The following DCAF13 variants were observed in gnomAD, a reference collection of about 807,000 sequenced individuals.
DCAF13 encodes the protein DDB1 and CUL4 associated factor 13.
In DCAF13, 38 loss-of-function variants were observed where a neutral mutation model predicts 59.0. That is an observed-to-expected ratio of 0.64 (90% CI 0.50 to 0.84). The LOEUF is 0.84. Ranked by LOEUF, DCAF13 falls within the 40% of genes least tolerant of loss-of-function variation. The pLI is 0.00. For missense variants in DCAF13, 469 were observed against 558.4 expected (o/e 0.84, Z 1.61); for synonymous variants, 173 against 175.0 (o/e 0.99, Z 0.09).
At chr8:103,428,594 G>A (rs1816823122) in intron 5 of DCAF13, 1 of 152,068 alleles carries the variant, frequency 6.6e-6, no homozygotes, top group African/African-American at 2.4e-5. Flanking sequence ...AGAGAGAAGT[G>A]GCATGGAAAG....
chr8:103,440,142 A>T lies in DCAF13; in HGVS notation c.957A>T (p.Val319=). The T allele has an allele frequency of 3.2e-6, 5 of 1,580,552 alleles. No individual in the cohort carries two copies. The highest frequency in any genetic ancestry group is 4.3e-6 in the Non-Finnish European group (5 of 1,168,830). ...CTTAATTCGTTTTCTATAGGGAGGT[A>T]TATCATACAAAGAGAATGCAACATG... ...FPVDKSRSRE[V]YHTKRMQHVI... is the part of the protein sequence containing the mutation. The change falls in exon 9 of 11, where the codon GTA becomes GTT. Residue 319 remains valine, a synonymous_variant. Coordinates refer to ENST00000612750, the MANE Select transcript of DCAF13 (RefSeq NM_015420.7).
intron 8 of DCAF13, among the ~76,000 whole-genome samples, chr8:103,439,019 T>G (rs1478628697): frequency 2.6e-5 from 4 of 152,170 alleles, no homozygotes; most frequent in Admixed American, 2.6e-4. Flanking sequence ...CTTTTTTTTC[T>G]TTTTTTGAGA....
chr8:103,438,620 G>T (rs1030862433), intron 8 of DCAF13, among the ~76,000 whole-genome samples: 14 of 151,914 alleles, frequency 9.2e-5, no homozygotes, highest in Non-Finnish European at 1.5e-4. Flanking sequence ...ACTCAGGCTG[G>T]TCTCAAACTC....
chr8:103,416,732 G>A (rs944438036), intron 1 of DCAF13, among the ~76,000 whole-genome samples: 2 of 152,206 alleles, frequency 1.3e-5, no homozygotes, highest in African/African-American at 4.8e-5. Flanking sequence ...CCAAAAAGGG[G>A]AAGAATCATG....
At chr8:103,419,105 C>T (rs945689401) in intron 1 of DCAF13, among the ~76,000 whole-genome samples, 9 of 151,500 alleles carry the variant, frequency 5.9e-5, no homozygotes, top group African/African-American at 1.7e-4. Context: ...AGGATGGTCT[C>T]GATCTCCTGA....
At chr8:103,416,735 G>A (rs1348629776) in intron 1 of DCAF13, among the ~76,000 whole-genome samples, 3 of 152,218 alleles carry the variant, frequency 2.0e-5, no homozygotes, top group African/African-American at 4.8e-5. Context: ...AAAAGGGGAA[G>A]AATCATGTTC....
At chr8:103,423,216 A>G (rs1248247193) in intron 3 of DCAF13, among the ~76,000 whole-genome samples, 4 of 151,984 alleles carry the variant, frequency 2.6e-5, no homozygotes, top group African/African-American at 4.8e-5. Context: ...CAGAGGACTT[A>G]GTGTATTTTT....
At chr8:103,441,902 A>AT in intron 10 of DCAF13, 1 of 311,526 alleles carries the variant, frequency 3.2e-6, no homozygotes. Flanking sequence ...AGTAGCTAGG[A>AT]CTACAGGCAC....
At chr8:103,434,901 T>G (rs933267629) in intron 7 of DCAF13, among the ~76,000 whole-genome samples, 1 of 152,064 alleles carries the variant, frequency 6.6e-6, no homozygotes, top group African/African-American at 2.4e-5. Flanking sequence ...ATATCACCAG[T>G]AGGAGTATAA....
At chr8:103,437,178 G>T (rs536417403) in intron 8 of DCAF13, among the ~76,000 whole-genome samples, 4 of 152,178 alleles carry the variant, frequency 2.6e-5, no homozygotes, top group Admixed American at 2.6e-4. Flanking sequence ...TGTCATGAGT[G>T]TTTTTTTGGC....
Position 103,421,046 on chromosome 8 carries a change from A to C in DCAF13, c.342A>C (p.Gly114=), listed in dbSNP as rs147879440. Residue 114 remains glycine, a synonymous_variant, in exon 3 of 11, where the codon GGA becomes GGC. Coordinates refer to ENST00000612750, the MANE Select transcript of DCAF13 (RefSeq NM_015420.7). The part of the protein sequence containing the change: ...TIQAHEGFVR[G]ICTRFCGTSF... Reference sequence around the variant, plus strand: ...AAGCACATGAAGGCTTTGTACGAGGAATATGTACTCGCTTTTGTGGGACTT... The same window carrying C: ...AAGCACATGAAGGCTTTGTACGAGGCATATGTACTCGCTTTTGTGGGACTT... 2.7e-5 allele frequency: 44 copies of C among 1,613,516 alleles called. No individual in the cohort carries two copies. In the African/African-American group the frequency reaches 4.5e-4, roughly 17 times the overall value.
rs746716988 is a variant in DCAF13 at position 103,440,181 on chromosome 8, A to G, written c.996A>G (p.Lys332=). ...TKRMQHVICV[K]WTSDSKYIMC... is the part of the protein sequence containing the mutation. ...GAATGCAACATGTTATCTGTGTAAA[A>G]TGGACTTCTGACAGCAAGTATATTA... The change falls in exon 9 of 11, where the codon AAA becomes AAG. Residue 332 remains lysine, a synonymous_variant. Coordinates refer to ENST00000612750, the MANE Select transcript of DCAF13 (RefSeq NM_015420.7). 2.5e-6 allele frequency: 4 copies of G among 1,606,018 alleles called. No individual in the cohort carries two copies. Among genetic ancestry groups the G allele is most frequent in the South Asian group, 1.1e-5 (1 of 89,558 alleles).
intron 3 of DCAF13, among the ~76,000 whole-genome samples, chr8:103,423,192 AT>A (rs2130479155): frequency 6.6e-6 from 1 of 152,232 alleles, no homozygotes; most frequent in Admixed American, 6.5e-5. Flanking sequence ...GGATATATTG[AT>A]TAATAGCTCA....
intron 8 of DCAF13, chr8:103,439,491 T>A (rs1322579638): frequency 1.4e-5 from 2 of 146,936 alleles, no homozygotes; most frequent in Non-Finnish European, 3.0e-5. Context: ...CAGGTTCAAG[T>A]GATTCTCCTG....
intron 8 of DCAF13, among the ~76,000 whole-genome samples, chr8:103,436,878 T>C (rs181466879): frequency 6.6e-6 from 1 of 152,340 alleles, no homozygotes; most frequent in East Asian, 1.9e-4. Flanking sequence ...ATCATGGTCA[T>C]AGTCAATCTG....
chr8:103,438,197 G>A (rs554099260), intron 8 of DCAF13, among the ~76,000 whole-genome samples: 141 of 152,198 alleles, frequency 9.3e-4, no homozygotes, highest in Non-Finnish European at 1.7e-3. Context: ...TGGAAAAAAG[G>A]GCTTCTTAGG....
intron 8 of DCAF13, among the ~76,000 whole-genome samples, chr8:103,438,092 C>T (rs756330866): frequency 3.3e-5 from 5 of 152,068 alleles, no homozygotes; most frequent in Non-Finnish European, 5.9e-5. Context: ...AGTGACTAAC[C>T]GTTGGATCTG....
intron 1 of DCAF13, among the ~76,000 whole-genome samples, chr8:103,416,766 G>T (rs535267018): frequency 9.9e-5 from 15 of 152,218 alleles, no homozygotes; most frequent in Non-Finnish European, 2.1e-4. Flanking sequence ...TGTTAAGACA[G>T]CACCTAGCAC....
At chr8:103,427,444 C>A in intron 5 of DCAF13, 192 bp downstream of exon 5, 1 of 597,216 alleles carries the variant, frequency 1.7e-6, no homozygotes, top group Non-Finnish European at 2.9e-6. Context: ...AGTTTAGTCC[C>A]AGATACTAGA....
Sources: gnomAD v4.1 joint callset for allele counts (sites outside exome capture counted in the v4.1 genomes callset) on GRCh38, gnomAD v4.1.1 for gene constraint, MANE v1.5 for transcripts, NCBI Gene and HGNC (gene_info 2026-07-23, HGNC 2026-07-21) for gene names.